The following AOPEP variants were observed in gnomAD, a reference collection of about 807,000 sequenced individuals.
AOPEP encodes the protein aminopeptidase O (putative).
AOPEP carries 77 observed loss-of-function variants against 98.1 expected under a neutral mutation model. That is an observed-to-expected ratio of 0.78 (90% confidence interval 0.65 to 0.95). The LOEUF (loss-of-function observed/expected upper bound fraction) is 0.95. Ranked by LOEUF, AOPEP falls within the 40% of genes least tolerant of loss-of-function variation. AOPEP has a pLI of 0.00. For synonymous variants in AOPEP, 346 were observed against 365.3 expected (o/e 0.95, Z 0.60); for missense variants, 1,024 against 1,024.7 (o/e 1.00, Z 0.01).
At chr9:95,125,143 G>C in the AOPEP span, 1 of 1,614,154 alleles carries the variant, frequency 6.2e-7, no homozygotes, top group Non-Finnish European at 8.5e-7. Flanking sequence ...CCTGAATAGT[G>C]GCTATGATTT....
At chr9:95,113,162 C>CATTGGCTG in the AOPEP span, among the ~76,000 whole-genome samples, 24 of 152,168 alleles carry the variant, frequency 1.6e-4, no homozygotes, top group African/African-American at 5.8e-4. Context: ...CCGCAGCCTC[C>CATTGGCTG]ATTGGCTGCA....
At chr9:95,118,240 A>C in the AOPEP span, among the ~76,000 whole-genome samples, 1 of 152,042 alleles carries the variant, frequency 6.6e-6, no homozygotes, top group Admixed American at 6.5e-5. Flanking sequence ...GCTGGTCTTG[A>C]ACTCCTTAGC....
the AOPEP span, among the ~76,000 whole-genome samples, chr9:95,146,896 G>A: frequency 7.2e-5 from 11 of 152,056 alleles, no homozygotes; most frequent in Middle Eastern, 3.4e-3. Context: ...TTGGGCCTAC[G>A]TGGAAACATA....
At chr9:95,021,203 G>A (rs1477173024) in intron 13 of AOPEP, among the ~76,000 whole-genome samples, 1 of 152,092 alleles carries the variant, frequency 6.6e-6, no homozygotes, top group Non-Finnish European at 1.5e-5. Context: ...GATTGTGAAG[G>A]GATTAGTGCC....
intron 3 of AOPEP, among the ~76,000 whole-genome samples, chr9:94,777,623 ATCT>A (rs1367212085): frequency 7.4e-6 from 1 of 135,382 alleles, no homozygotes; most frequent in African/African-American, 3.0e-5. Context: ...GAATTATATA[ATCT>A]TTTTTTTTTT....
At position 95,082,691 on chromosome 9, in the gene AOPEP, G is replaced by T. The variant is rs987006268; in HGVS notation, c.2436G>T (p.Gln812His). ...TKEQMDRSSA[Q>H]VVAEMLF ...AGCAGATGGATAGGTCCTCAGCCCA[G>T]GTGGTGGCCGAAATGTTATTTTAAC... The change falls in exon 16 of 17, where the codon CAG (glutamine) becomes CAT (histidine). Residue 812 changes from glutamine to histidine, a missense_variant. Gln to His is a conservative substitution (Grantham distance 24, BLOSUM62 0). Transcript: ENST00000375315. The T allele has an allele frequency of 6.2e-7, 1 of 1,614,086 alleles. No homozygotes were observed. The highest frequency in any genetic ancestry group is 1.3e-5 in the African/African-American group (1 of 74,924).
chr9:95,039,836 T>C (rs2065137875), intron 13 of AOPEP, among the ~76,000 whole-genome samples: 4 of 152,328 alleles, frequency 2.6e-5, no homozygotes, highest in South Asian at 4.1e-4. Context: ...AGAACAATGA[T>C]TTGTGATGGC....
chr9:94,835,018 A>G (rs551836801), intron 5 of AOPEP, among the ~76,000 whole-genome samples: 24 of 152,308 alleles, frequency 1.6e-4, no homozygotes, highest in Admixed American at 5.2e-4. Context: ...TACCTGAGAA[A>G]GGAAGAGGCA....
At chr9:94,769,519 G>C (rs905976331) in intron 2 of AOPEP, among the ~76,000 whole-genome samples, 7 of 152,164 alleles carry the variant, frequency 4.6e-5, no homozygotes, top group Non-Finnish European at 4.4e-5. Context: ...TTGTTTTCCT[G>C]CTTTTGAAAG....
At chr9:95,128,909 C>T in the AOPEP span, among the ~76,000 whole-genome samples, 3 of 144,744 alleles carry the variant, frequency 2.1e-5, no homozygotes, top group African/African-American at 7.5e-5. Context: ...AACCAGTCTC[C>T]TTTTTTTTTT....
chr9:95,141,369 A>G, the AOPEP span, among the ~76,000 whole-genome samples: 1 of 148,964 alleles, frequency 6.7e-6, no homozygotes, highest in Non-Finnish European at 1.5e-5. Flanking sequence ...AGTTTCCATC[A>G]TGGATAAACA....
chr9:94,882,305 G>A (rs2047680570), intron 5 of AOPEP, among the ~76,000 whole-genome samples: 1 of 152,202 alleles, frequency 6.6e-6, no homozygotes, highest in South Asian at 2.1e-4. Context: ...TTAGTCTGTT[G>A]TTTAAAATGT....
chr9:94,951,379 G>A (rs1210270908), intron 7 of AOPEP, among the ~76,000 whole-genome samples: 1 of 152,184 alleles, frequency 6.6e-6, no homozygotes, highest in Non-Finnish European at 1.5e-5. Context: ...AGTGTAGCAA[G>A]GACTTTGGTG....
the AOPEP span, among the ~76,000 whole-genome samples, chr9:95,137,341 G>T: frequency 6.6e-6 from 1 of 152,260 alleles, no homozygotes; most frequent in East Asian, 1.9e-4. Flanking sequence ...TGAAGACCCG[G>T]GGAGACTGCG....
At chr9:95,092,763 G>A in the AOPEP span, among the ~76,000 whole-genome samples, 4 of 152,156 alleles carry the variant, frequency 2.6e-5, no homozygotes, top group African/African-American at 7.2e-5. Flanking sequence ...TGCTCTCATA[G>A]TCCTCCCTTG....
the AOPEP span, among the ~76,000 whole-genome samples, chr9:95,127,699 T>G: frequency 6.6e-6 from 1 of 152,188 alleles, no homozygotes; most frequent in Admixed American, 6.5e-5. Flanking sequence ...GAAACACTGT[T>G]CACAGGCCCC....
At chr9:94,751,264 G>A (rs1206391783) in intron 1 of AOPEP, among the ~76,000 whole-genome samples, 1 of 152,062 alleles carries the variant, frequency 6.6e-6, no homozygotes, top group African/African-American at 2.4e-5. Context: ...TTTGTCTAGA[G>A]TTTATAAGTA....
intron 14 of AOPEP, among the ~76,000 whole-genome samples, chr9:95,061,204 G>A (rs2067288188): frequency 2.0e-5 from 3 of 152,354 alleles, no homozygotes; most frequent in Middle Eastern, 3.4e-3. Flanking sequence ...GGAGCCATGT[G>A]TAAAGGGAAT....
At chr9:95,115,427 T>G in the AOPEP span, among the ~76,000 whole-genome samples, 1 of 152,196 alleles carries the variant, frequency 6.6e-6, no homozygotes, top group African/African-American at 2.4e-5. Context: ...AATAAGGAAT[T>G]AGGAATAGAC....
Sources: gnomAD v4.1 joint callset for allele counts (sites outside exome capture counted in the v4.1 genomes callset) on GRCh38, gnomAD v4.1.1 for gene constraint, MANE v1.5 for transcripts, NCBI Gene and HGNC (gene_info 2026-07-23, HGNC 2026-07-21) for gene names.